Variants in AGBL1 observed in about 807,000 individuals in gnomAD.
AGBL1 encodes AGBL carboxypeptidase 1, also known as cytosolic carboxypeptidase 4.
Under a neutral mutation model 118.9 loss-of-function variants are expected in AGBL1, and 130 were observed. The ratio of observed to expected loss-of-function variants is 1.09; its 90% CI spans 0.95 to 1.26. The LOEUF (loss-of-function observed/expected upper bound fraction) is 1.26, where lower values mean the gene tolerates loss of function less well. AGBL1 is among the 50% of genes most tolerant of loss of function. The pLI, the probability that AGBL1 is intolerant of heterozygous loss-of-function variation, is 0.00. For missense variants in AGBL1, 1,584 were observed against 1,298.1 expected (o/e 1.22, Z -3.38); for synonymous variants, 555 against 478.9 (o/e 1.16, Z -2.08).
intron 8 of AGBL1, 116 bp from the exon 9 acceptor site, chr15:86,257,848 T>C: frequency 1.1e-6 from 1 of 934,570 alleles, no homozygotes; most frequent in Non-Finnish European, 1.6e-6. Context: ...GCAATTAATA[T>C]TGGGCCCCTT....
intron 21 of AGBL1, among the ~76,000 whole-genome samples, chr15:86,673,908 G>A (rs767547331): frequency 6.6e-6 from 1 of 152,068 alleles, no homozygotes; most frequent in Non-Finnish European, 1.5e-5. Flanking sequence ...ATGAACTTCT[G>A]TTTCAGAAGT....
chr15:86,386,398 G>A (rs2081196469), intron 17 of AGBL1, among the ~76,000 whole-genome samples: 1 of 148,724 alleles, frequency 6.7e-6, no homozygotes, highest in Non-Finnish European at 1.5e-5. Flanking sequence ...ATTATTTTTT[G>A]ATTTTATGCT....
chr15:86,749,374 T>C (rs1015016026), intron 22 of AGBL1, among the ~76,000 whole-genome samples: 7 of 152,184 alleles, frequency 4.6e-5, no homozygotes, highest in African/African-American at 7.2e-5. Flanking sequence ...TCCTGAGACT[T>C]TGCTGAAGTT....
At chr15:86,273,342 A>G (rs1213906749) in intron 15 of AGBL1, among the ~76,000 whole-genome samples, 2 of 152,238 alleles carry the variant, frequency 1.3e-5, no homozygotes, top group Admixed American at 6.5e-5. Context: ...TAAGAAAAAA[A>G]CCATGAATGT....
intron 21 of AGBL1, among the ~76,000 whole-genome samples, chr15:86,592,845 C>T (rs991094217): frequency 6.6e-6 from 1 of 152,154 alleles, no homozygotes; most frequent in Admixed American, 6.5e-5. Flanking sequence ...ACATGCCAGA[C>T]CAACACCCAA....
At chr15:86,638,419 C>A (rs1372166109) in intron 21 of AGBL1, among the ~76,000 whole-genome samples, 1 of 152,166 alleles carries the variant, frequency 6.6e-6, no homozygotes, top group Non-Finnish European at 1.5e-5. Flanking sequence ...CATTTCAAGA[C>A]CATGGGTGCC....
intron 22 of AGBL1, among the ~76,000 whole-genome samples, chr15:86,702,037 T>C (rs1014960644): frequency 4.7e-5 from 7 of 149,608 alleles, no homozygotes; most frequent in African/African-American, 1.7e-4. Context: ...TCTTTTCTTC[T>C]CTTCCCTCCC....
At chr15:86,354,794 A>T (rs2080686744) in intron 17 of AGBL1, among the ~76,000 whole-genome samples, 1 of 152,138 alleles carries the variant, frequency 6.6e-6, no homozygotes, top group Admixed American at 6.6e-5. Flanking sequence ...AAATAGGGAG[A>T]TTATTGTGGA....
chr15:86,822,611 G>A (rs757508582), intron 22 of AGBL1, among the ~76,000 whole-genome samples: 1 of 152,252 alleles, frequency 6.6e-6, no homozygotes, highest in Non-Finnish European at 1.5e-5. Flanking sequence ...TGGTTAGCAG[G>A]TCTATGCGAA....
rs556517727 is a variant in AGBL1 at position 86,149,279 on chromosome 15, G to A, written c.263-5151G>A. Reference sequence around the variant, plus strand: ...CAGGATCAAATTTACACATAATAATGTTAACCTTAAATGTAAATGGGCTGA... The same window carrying A: ...CAGGATCAAATTTACACATAATAATATTAACCTTAAATGTAAATGGGCTGA... On this transcript the variant is annotated intron_variant, in intron 3 of 22. Coordinates refer to ENST00000614907, the MANE Select transcript of AGBL1 (RefSeq NM_001386094.1). 3.7e-3 allele frequency among the ~76,000 whole-genome samples: 557 copies of A among 152,166 alleles called. 4 individuals are homozygous for A. The highest frequency in any genetic ancestry group is 0.013 in the African/African-American group (535 of 41,508).
At chr15:86,532,642 C>T (rs564840966) in intron 19 of AGBL1, among the ~76,000 whole-genome samples, 17 of 149,940 alleles carry the variant, frequency 1.1e-4, no homozygotes, top group African/African-American at 3.4e-4. Context: ...AAAAAGAGCC[C>T]GCATCGCCAA....
intron 16 of AGBL1, 66 bp downstream of exon 16, chr15:86,279,849 C>T (rs2079320803): frequency 6.4e-7 from 1 of 1,567,644 alleles, no homozygotes; most frequent in South Asian, 1.1e-5. Context: ...TTCCTGGGAA[C>T]ATTTTGGAGA....
intron 22 of AGBL1, among the ~76,000 whole-genome samples, chr15:86,805,880 CAATAGAAG>C (rs2078708043): frequency 6.6e-6 from 1 of 152,062 alleles, no homozygotes; most frequent in Non-Finnish European, 1.5e-5. Flanking sequence ...GTGACAGACC[CAATAGAAG>C]CAGGGAAAAC....
intron 5 of AGBL1, among the ~76,000 whole-genome samples, chr15:86,169,797 A>C (rs547581000): frequency 6.6e-6 from 1 of 152,314 alleles, no homozygotes; most frequent in Admixed American, 6.5e-5. Flanking sequence ...TACAGAGCTG[A>C]CTGTTGTTAC....
intron 21 of AGBL1, among the ~76,000 whole-genome samples, chr15:86,605,733 C>T (rs972448676): frequency 2.3e-4 from 35 of 149,664 alleles, no homozygotes; most frequent in Admixed American, 2.0e-4. Context: ...ATTTTACTGA[C>T]GTGGACTCAG....
Position 86,777,658 on chromosome 15 carries a change from A to C in AGBL1, c.3158+103222A>C, listed in dbSNP as rs1251281421. Among the ~76,000 whole-genome samples, 8 of 152,292 alleles carry C rather than the reference A, an allele frequency of 5.3e-5. No individual in the cohort carries two copies. The East Asian group carries it at 1.4e-3, about 26-fold the overall frequency. ...TAACATTTCTTTTTAGTCTTCAATA[A>C]AATTTTACATTCAGGCCAAACATGT... is the stretch of plus-strand genomic sequence containing the variant. On this transcript the variant is annotated intron_variant, in intron 22 of 22. Transcript: ENST00000614907.
At chr15:86,991,774 C>G (rs1045268881) in intron 24 of AGBL1, among the ~76,000 whole-genome samples, 4 of 152,130 alleles carry the variant, frequency 2.6e-5, no homozygotes, top group Non-Finnish European at 4.4e-5. Context: ...ACATTCTGGT[C>G]AATAGAAATT....
intron 6 of AGBL1, among the ~76,000 whole-genome samples, chr15:86,234,550 C>CAAAA (rs397854519): frequency 1.3e-5 from 1 of 76,310 alleles, no homozygotes; most frequent in Non-Finnish European, 2.5e-5. Flanking sequence ...GACTCTATCT[C>CAAAA]AAAAAAAAAA....
At chr15:86,198,684 C>CTG (rs1174356027) in intron 5 of AGBL1, among the ~76,000 whole-genome samples, 2 of 151,600 alleles carry the variant, frequency 1.3e-5, no homozygotes, top group Admixed American at 6.6e-5. Context: ...CTCTCTCTTT[C>CTG]TGTGTGTGTG....
Sources: allele counts gnomAD v4.1 joint callset (sites outside exome capture counted in the v4.1 genomes callset), GRCh38; gene constraint gnomAD v4.1.1; transcripts MANE v1.5; gene names NCBI Gene and HGNC (gene_info 2026-07-23, HGNC 2026-07-21).